EEA1: variants seen among roughly 807,000 people sequenced by gnomAD.
The protein encoded by EEA1 is early endosome antigen 1.
A neutral mutation model predicts 209.2 loss-of-function variants in EEA1; 111 were observed. That is an observed-to-expected ratio of 0.53 (90% CI 0.45 to 0.62). EEA1 has a LOEUF of 0.62. EEA1 is among the 20% of genes least tolerant of loss of function. EEA1 has a pLI of 0.00. For missense variants in EEA1, 1,343 were observed against 1,530.8 expected (o/e 0.88, Z 2.05); for synonymous variants, 536 against 540.6 (o/e 0.99, Z 0.12).
intron 2 of EEA1, among the ~76,000 whole-genome samples, chr12:92,869,983 A>G (rs527599689): frequency 1.3e-5 from 2 of 152,176 alleles, no homozygotes; most frequent in South Asian, 4.1e-4. Context: ...ATCATCCTAC[A>G]TGCACCCATT....
At chr12:92,910,878 T>C (rs1003835161) in intron 1 of EEA1, among the ~76,000 whole-genome samples, 3 of 152,180 alleles carry the variant, frequency 2.0e-5, no homozygotes. Flanking sequence ...AATATGCATA[T>C]GAAAAGTTGC....
intron 9 of EEA1, among the ~76,000 whole-genome samples, chr12:92,846,196 A>G (rs770742085): frequency 6.6e-6 from 1 of 152,212 alleles, no homozygotes; most frequent in Non-Finnish European, 1.5e-5. Context: ...AAATTGCCAT[A>G]TAACAATTGA....
chr12:92,892,820 G>C (rs1879706940), intron 1 of EEA1, among the ~76,000 whole-genome samples: 1 of 152,068 alleles, frequency 6.6e-6, no homozygotes, highest in Admixed American at 6.6e-5. Context: ...AGTGGAAACG[G>C]GGTTTCACCA....
chr12:92,802,714 T>G lies in EEA1; in HGVS notation c.2360A>C (p.Asp787Ala). The G allele has an allele frequency of 1.3e-6, 2 of 1,595,650 alleles. No individual in the cohort carries two copies. Among genetic ancestry groups the G allele is most frequent in the Non-Finnish European group, 1.7e-6 (2 of 1,175,060 alleles). ...EKEIVSSTRL[D>A]LQKKSEALES... is the part of the protein sequence containing the mutation. ...AAGGGCTTCAGATTTTTTCTGTAGA[T>G]CCAATCTTGTACTGGATACTCTAAA... is the stretch of plus-strand genomic sequence containing the variant. Residue 787 changes from aspartate to alanine, a missense_variant, in exon 19 of 29, where the codon GAT becomes GCT. This residue lies in a region of EEA1 where 1,307 missense variants were observed against 1,465.5 expected (regional missense o/e 0.89). Coordinates refer to ENST00000322349, the MANE Select transcript of EEA1 (RefSeq NM_003566.4).
At chr12:92,815,484 G>A (rs780615019) in intron 15 of EEA1, among the ~76,000 whole-genome samples, 1 of 152,082 alleles carries the variant, frequency 6.6e-6, no homozygotes, top group Non-Finnish European at 1.5e-5. Context: ...CCAAGTTCTA[G>A]TAAGTATGCC....
intron 2 of EEA1, among the ~76,000 whole-genome samples, chr12:92,876,700 T>C (rs1044162819): frequency 2.0e-5 from 3 of 151,756 alleles, no homozygotes; most frequent in Admixed American, 6.6e-5. Flanking sequence ...GAGATTAGCT[T>C]ATGGAAAAGC....
Position 92,929,026 on chromosome 12 carries a change from C to G in EEA1, c.24+17G>C. ...TCCCGCTCACGTGCTGCCAGAAAGA[C>G]GGTTTCACTCTCTTACCCTCTGTAA... On this transcript the variant is annotated intron_variant, in intron 1 of 28. Transcript: ENST00000322349. The G allele has an allele frequency of 6.3e-7, 1 of 1,588,350 alleles. No homozygotes were observed. The highest frequency in any genetic ancestry group is 8.6e-7 in the Non-Finnish European group (1 of 1,168,400).
chr12:92,898,427 G>A (rs1879984969), intron 1 of EEA1, among the ~76,000 whole-genome samples: 1 of 152,140 alleles, frequency 6.6e-6, no homozygotes, highest in African/African-American at 2.4e-5. Flanking sequence ...ACTTTGGGAG[G>A]CTGAGGTGGG....
rs568682399 is a variant in EEA1, at chr12:92,811,859, CA to C, written c.2044-426del. On this transcript the variant is annotated intron_variant, in intron 16 of 28. Coordinates refer to ENST00000322349, the MANE Select transcript of EEA1 (RefSeq NM_003566.4). ...AATTCATTTGGAATATCCAGTTGCA[CA>C]AAAAAAAAAAAATAAAATAAAAATT... Among the ~76,000 whole-genome samples, 217 of 137,512 alleles carry C rather than the reference CA, an allele frequency of 1.6e-3. 3 individuals carry two copies. Among genetic ancestry groups the C allele is most frequent in the South Asian group, 0.01 (47 of 4,568 alleles). The allele number at this position is 137,512 out of a possible 152,430, so 90.2% of individuals were successfully genotyped here. A position where few individuals can be genotyped will look rare whatever the true frequency, so the allele number is the denominator to read the frequency against.
intron 21 of EEA1, among the ~76,000 whole-genome samples, chr12:92,792,465 GAAATACAA>G (rs1264458156): frequency 1.3e-4 from 20 of 152,104 alleles, no homozygotes; most frequent in Non-Finnish European, 8.8e-5. Context: ...CGATCCCACA[GAAATACAA>G]ACTACCATCA....
chr12:92,924,393 G>C (rs908520772), intron 1 of EEA1, among the ~76,000 whole-genome samples: 7 of 151,838 alleles, frequency 4.6e-5, no homozygotes, highest in African/African-American at 1.7e-4. Context: ...ATTTTTAGTA[G>C]AGACGGGGTT....
intron 16 of EEA1, among the ~76,000 whole-genome samples, chr12:92,812,221 T>TG (rs1471200467): frequency 6.6e-6 from 1 of 151,712 alleles, no homozygotes; most frequent in Non-Finnish European, 1.5e-5. Context: ...CCCAGCTACT[T>TG]GGGAGGCTGA....
rs141452288 is a variant in EEA1, at chr12:92,818,546, T to C, written c.1728+762A>G. 5.1e-4 allele frequency among the ~76,000 whole-genome samples: 77 copies of C among 152,270 alleles called. 1 individual carries two copies. The highest frequency in any genetic ancestry group is 1.8e-3 in the African/African-American group (74 of 41,556). ...GACCATATTTATATGATAAGCAACA[T>C]CAAGTTGTATACAACTAAAAACTAA... On this transcript the variant is annotated intron_variant, in intron 14 of 28. Transcript: ENST00000322349.
At chr12:92,844,928 C>A (rs1015940520) in intron 9 of EEA1, among the ~76,000 whole-genome samples, 1 of 151,778 alleles carries the variant, frequency 6.6e-6, no homozygotes, top group Non-Finnish European at 1.5e-5. Flanking sequence ...CTGATAAATT[C>A]CAACATGTAG....
Position 92,929,174 on chromosome 12 carries a change from G to C in EEA1, c.-108C>G. The stretch of plus-strand genomic sequence containing the variant: ...AGGGACTGGGCCGGGAGGGGACCGG[G>C]AAGGAGGTCGGGGCGAGGCGGTGGC... On this transcript the variant is annotated 5_prime_UTR_variant, in exon 1 of 29. Transcript: ENST00000322349. 8.2e-7 allele frequency: 1 copy of C among 1,213,020 alleles called. No homozygotes were observed. The highest frequency in any genetic ancestry group is 1.1e-6 in the Non-Finnish European group (1 of 870,246). 75.1% of individuals were successfully genotyped at this position (1,213,020 alleles called of 1,614,324 possible). A position where few individuals can be genotyped will look rare whatever the true frequency, so the allele number is the denominator to read the frequency against.
chr12:92,801,624 T>C lies in EEA1; in HGVS notation c.2748A>G (p.Lys916=). Residue 916 remains lysine, a synonymous_variant, in exon 20 of 29, where the codon AAA becomes AAG. Transcript: ENST00000322349. The stretch of plus-strand genomic sequence containing the variant: ...CCTCCTTCTCTTTTTCAAGTGACTT[T>C]TTCAGTTCCTTCTGTTCCTTAAGTG... ...ENTLKEQKEL[K]KSLEKEKEAS... The C allele has an allele frequency of 6.3e-7, 1 of 1,594,106 alleles. No individual in the cohort carries two copies. Among genetic ancestry groups the C allele is most frequent in the South Asian group, 1.2e-5 (1 of 85,674 alleles).
chr12:92,816,452 T>C (rs1423413423), intron 14 of EEA1, 52 bp from the exon 15 acceptor site: 1 of 1,512,458 alleles, frequency 6.6e-7, no homozygotes, highest in East Asian at 2.3e-5. Flanking sequence ...ATAACAAAAA[T>C]TCAGAAACCT....
intron 20 of EEA1, among the ~76,000 whole-genome samples, chr12:92,800,096 C>T (rs921709777): frequency 1.3e-4 from 20 of 152,006 alleles, no homozygotes; most frequent in African/African-American, 4.6e-4. Context: ...GTGGCAGGCA[C>T]CTGTAATCCC....
At chr12:92,895,112 G>C (rs181929300) in intron 1 of EEA1, among the ~76,000 whole-genome samples, 1 of 142,960 alleles carries the variant, frequency 7.0e-6, no homozygotes, top group East Asian at 2.0e-4. Context: ...TAGCACATCT[G>C]TTTACCACAT....
Sources: allele counts gnomAD v4.1 joint callset (sites outside exome capture counted in the v4.1 genomes callset), GRCh38; gene constraint gnomAD v4.1.1; regional missense constraint gnomAD v4.1.1; transcripts MANE v1.5; gene names NCBI Gene and HGNC (gene_info 2026-07-23, HGNC 2026-07-21).